Variants in MTCH2 observed in about 807,000 individuals in gnomAD.
The protein encoded by MTCH2 is mitochondrial carrier 2.
Under a neutral mutation model 50.6 loss-of-function variants are expected in MTCH2, and 25 were observed. That is an observed-to-expected ratio of 0.49 (90% CI 0.36 to 0.69). The LOEUF (loss-of-function observed/expected upper bound fraction) is 0.69. Among genes scored for constraint, MTCH2 ranks in the 30% least tolerant of loss-of-function variants. MTCH2 has a pLI of 0.00. For synonymous variants in MTCH2, 106 were observed against 132.0 expected (o/e 0.80, Z 1.35); for missense variants, 273 against 384.4 (o/e 0.71, Z 2.42).
chr11:47,640,455 C>T (rs1324018290), intron 1 of MTCH2, among the ~76,000 whole-genome samples: 3 of 152,068 alleles, frequency 2.0e-5, no homozygotes, highest in Non-Finnish European at 4.4e-5. Context: ...TCGCTCTTGT[C>T]GCCCAGGCTG....
chr11:47,628,958 T>C lies in MTCH2; in HGVS notation c.628A>G (p.Ser210Gly), dbSNP rs765627700. The stretch of plus-strand genomic sequence containing the variant: ...TCACGAAGGTCACAACCTACCCCAC[T>C]GTCCAGTGCATAGGTATTGACGAGG... Reference protein sequence around the residue: ...AYLVNTYALDSGVSTMNEMKS... With the variant: ...AYLVNTYALDGGVSTMNEMKS... Residue 210 changes from serine (S) to glycine (G), a missense_variant, in exon 9 of 13, where the codon AGT (serine) becomes GGT (glycine). This residue lies in a region of MTCH2 where 70 missense variants were observed against 140.1 expected (regional missense o/e 0.50). Transcript: ENST00000302503. 3.1e-6 allele frequency: 5 copies of C among 1,613,252 alleles called. No homozygotes were observed. In the South Asian group the frequency reaches 4.4e-5, roughly 14 times the overall value.
intron 5 of MTCH2, among the ~76,000 whole-genome samples, chr11:47,631,929 T>C (rs141780268): frequency 9.2e-5 from 14 of 152,308 alleles, no homozygotes; most frequent in Non-Finnish European, 1.6e-4. Context: ...TGTTCTATTA[T>C]AGTTACTTCT....
chr11:47,611,752 GTGGTATGGTAC>G, the MTCH2 span, among the ~76,000 whole-genome samples: 3 of 152,184 alleles, frequency 2.0e-5, no homozygotes, highest in Non-Finnish European at 2.9e-5. Context: ...TAACCGTATT[GTGGTATGGTAC>G]TGATCGGAAT....
chr11:47,632,002 TAAAG>T (rs888955296), intron 5 of MTCH2, among the ~76,000 whole-genome samples: 3 of 152,010 alleles, frequency 2.0e-5, no homozygotes, highest in African/African-American at 4.8e-5. Flanking sequence ...GAGAAAAAAA[TAAAG>T]AAACAGGAAA....
At chr11:47,619,934 G>A (rs949589831) in intron 12 of MTCH2, among the ~76,000 whole-genome samples, 12 of 152,052 alleles carry the variant, frequency 7.9e-5, no homozygotes, top group Admixed American at 1.3e-4. Context: ...AAAATTAGCC[G>A]GGCGTAGTGG....
At chr11:47,608,661 T>C in the MTCH2 span, among the ~76,000 whole-genome samples, 1 of 152,066 alleles carries the variant, frequency 6.6e-6, no homozygotes, top group Non-Finnish European at 1.5e-5. Flanking sequence ...TTAAAGACGC[T>C]AGGTCAAGAA....
At chr11:47,635,965 T>C (rs763985066) in intron 3 of MTCH2, among the ~76,000 whole-genome samples, 2 of 151,838 alleles carry the variant, frequency 1.3e-5, no homozygotes, top group Non-Finnish European at 2.9e-5. Flanking sequence ...CCATCTCTAC[T>C]AAAAATACAA....
At chr11:47,629,256 C>T in intron 8 of MTCH2, 1 of 523,916 alleles carries the variant, frequency 1.9e-6, no homozygotes, top group Non-Finnish European at 3.5e-6. Flanking sequence ...ACTTTTGTTC[C>T]TATGTTTAAA....
chr11:47,641,322 C>A (rs1193648286), intron 1 of MTCH2, among the ~76,000 whole-genome samples: 1 of 152,192 alleles, frequency 6.6e-6, no homozygotes, highest in Non-Finnish European at 1.5e-5. Context: ...AATTTATTTG[C>A]AATAGCCTTT....
At chr11:47,615,654 CAG>C (rs1047058003), downstream of MTCH2, among the ~76,000 whole-genome samples, 125 of 148,066 alleles carry the variant, frequency 8.4e-4, no homozygotes, top group African/African-American at 2.9e-3. Flanking sequence ...TTTTTTGAGA[CAG>C]AGTTTCACTC....
chr11:47,631,630 G>C, intron 6 of MTCH2, 24 bp downstream of exon 6: 2 of 1,613,132 alleles, frequency 1.2e-6, no homozygotes, highest in Non-Finnish European at 1.7e-6. Flanking sequence ...TAAAAGAAAG[G>C]TCAGTTGTCA....
intron 1 of MTCH2, among the ~76,000 whole-genome samples, chr11:47,640,882 A>G (rs910055188): frequency 1.3e-5 from 2 of 151,308 alleles, no homozygotes; most frequent in African/African-American, 4.8e-5. Context: ...AGTATTGAGT[A>G]GTGGGTTCTT....
intron 12 of MTCH2, among the ~76,000 whole-genome samples, chr11:47,621,187 C>T (rs892936568): frequency 1.3e-5 from 2 of 152,170 alleles, no homozygotes; most frequent in Non-Finnish European, 2.9e-5. Flanking sequence ...CACAGAGGGG[C>T]TTTGTGGGCA....
intron 3 of MTCH2, among the ~76,000 whole-genome samples, chr11:47,638,228 C>A (rs1251640312): frequency 2.2e-5 from 3 of 133,974 alleles, no homozygotes; most frequent in African/African-American, 5.6e-5. Context: ...ATGACAACTG[C>A]CTTTCCATAT....
chr11:47,638,348 T>C, intron 3 of MTCH2, among the ~76,000 whole-genome samples: 1 of 21,334 alleles, frequency 4.7e-5, no homozygotes, highest in Non-Finnish European at 1.1e-4. Flanking sequence ...GATCACGAGG[T>C]CAGGATATTG....
At chr11:47,614,891 T>C (rs1327141878), downstream of MTCH2, among the ~76,000 whole-genome samples, 2 of 152,008 alleles carry the variant, frequency 1.3e-5, no homozygotes, top group African/African-American at 2.4e-5. Flanking sequence ...TATTTTAATA[T>C]ACATTTTAAA....
the MTCH2 span, among the ~76,000 whole-genome samples, chr11:47,609,466 A>T: frequency 6.8e-6 from 1 of 147,522 alleles, no homozygotes; most frequent in African/African-American, 2.5e-5. Flanking sequence ...TCAAAAAAAA[A>T]AAAAAAAAAA....
Position 47,618,427 on chromosome 11 carries a change from C to A in MTCH2, c.*406G>T. 4.1e-6 allele frequency: 1 copy of A among 243,104 alleles called. No homozygotes were observed. The highest frequency in any genetic ancestry group is 4.9e-5 in the South Asian group (1 of 20,612). The allele number at this position is 243,104 out of a possible 1,614,324, so 15.1% of individuals were successfully genotyped here. On this transcript the variant is annotated 3_prime_UTR_variant, in exon 13 of 13. Transcript: ENST00000302503. ...TACCCAAGAAAAAGTAATTCATAACCTCCCATATAGTTTAATTTAGTGATT... is the reference window on the plus strand; with the variant it reads ...TACCCAAGAAAAAGTAATTCATAACATCCCATATAGTTTAATTTAGTGATT...
chr11:47,633,672 G>A (rs1456382741), intron 5 of MTCH2, among the ~76,000 whole-genome samples: 8 of 150,090 alleles, frequency 5.3e-5, no homozygotes, highest in African/African-American at 1.5e-4. Context: ...AAGTAGCTGG[G>A]ATTACAGACA....
Sources: gnomAD v4.1 joint callset for allele counts (sites outside exome capture counted in the v4.1 genomes callset) on GRCh38, gnomAD v4.1.1 for gene constraint, gnomAD v4.1.1 regional missense constraint, MANE v1.5 for transcripts, NCBI Gene and HGNC (gene_info 2026-07-23, HGNC 2026-07-21) for gene names.